TENM2: variants seen among roughly 807,000 people sequenced by gnomAD.
The protein encoded by TENM2 is teneurin-2.
A neutral mutation model predicts 245.2 loss-of-function variants in TENM2; 52 were observed. The observed-to-expected ratio is 0.21, with a 90% CI of 0.17 to 0.27. The LOEUF is 0.27. TENM2 is among the 10% of genes least tolerant of loss of function. The pLI is 1.00. For synonymous variants in TENM2, 1,363 were observed against 1,438.9 expected (o/e 0.95, Z 1.19); for missense variants, 3,046 against 3,666.8 (o/e 0.83, Z 4.37).
intron 1 of TENM2, among the ~76,000 whole-genome samples, chr5:167,323,600 A>G (rs1457045590): frequency 6.6e-6 from 1 of 152,186 alleles, no homozygotes; most frequent in Admixed American, 6.5e-5. Context: ...ATTTTGAAGA[A>G]GTCAAAAAAT....
chr5:168,001,057 C>T (rs1784385915), intron 5 of TENM2, among the ~76,000 whole-genome samples: 1 of 152,008 alleles, frequency 6.6e-6, no homozygotes, highest in African/African-American at 2.4e-5. Flanking sequence ...ATTTGTTGAA[C>T]TCATGAATGC....
At chr5:167,747,585 G>T (rs1383744266) in intron 2 of TENM2, among the ~76,000 whole-genome samples, 1 of 152,148 alleles carries the variant, frequency 6.6e-6, no homozygotes, top group Non-Finnish European at 1.5e-5. Context: ...CGGTAACATT[G>T]ATCGAGACTT....
At chr5:167,941,796 G>A (rs184825275) in intron 3 of TENM2, among the ~76,000 whole-genome samples, 1 of 152,184 alleles carries the variant, frequency 6.6e-6, no homozygotes, top group East Asian at 1.9e-4. Context: ...CGAGGTTACA[G>A]TGAGCCATGA....
intron 5 of TENM2, among the ~76,000 whole-genome samples, chr5:167,994,871 T>C (rs1228010835): frequency 6.6e-6 from 1 of 152,198 alleles, no homozygotes; most frequent in Non-Finnish European, 1.5e-5. Context: ...CTGTTGCCCC[T>C]CTGAATCTCT....
At chr5:167,941,905 T>C (rs1429353741) in intron 3 of TENM2, among the ~76,000 whole-genome samples, 1 of 150,078 alleles carries the variant, frequency 6.7e-6, no homozygotes, top group East Asian at 2.0e-4. Context: ...GTCACCCCTC[T>C]CTCCAACATC....
chr5:167,779,326 C>T (rs1764025547), intron 2 of TENM2, among the ~76,000 whole-genome samples: 1 of 152,150 alleles, frequency 6.6e-6, no homozygotes, highest in Non-Finnish European at 1.5e-5. Flanking sequence ...GACAAAAAGT[C>T]TTTAGCGACT....
intron 2 of TENM2, among the ~76,000 whole-genome samples, chr5:167,440,634 C>T (rs1181657426): frequency 2.0e-5 from 3 of 152,132 alleles, no homozygotes; most frequent in Non-Finnish European, 4.4e-5. Flanking sequence ...TAAAAAGGCA[C>T]TATGTAATAT....
intron 2 of TENM2, among the ~76,000 whole-genome samples, chr5:167,435,035 T>C (rs1318052578): frequency 6.6e-6 from 1 of 152,244 alleles, no homozygotes; most frequent in Non-Finnish European, 1.5e-5. Context: ...AGTGGCAATA[T>C]ATATAGCATT....
At chr5:167,592,925 A>G (rs1775974241) in intron 2 of TENM2, among the ~76,000 whole-genome samples, 1 of 152,186 alleles carries the variant, frequency 6.6e-6, no homozygotes, top group African/African-American at 2.4e-5. Flanking sequence ...AATGTTTAAT[A>G]CAATGAGATG....
intron 5 of TENM2, among the ~76,000 whole-genome samples, chr5:168,036,677 G>GTGTATA (rs575960979): frequency 2.4e-4 from 28 of 117,794 alleles, no homozygotes; most frequent in South Asian, 2.8e-4. Context: ...ATATGTATGT[G>GTGTATA]TATATATATA....
chr5:167,088,629 TA>T, the TENM2 span, among the ~76,000 whole-genome samples: 4 of 142,670 alleles, frequency 2.8e-5, no homozygotes, highest in Admixed American at 7.1e-5. Context: ...CTCCATCTTT[TA>T]AAAAAACAAA....
intron 2 of TENM2, among the ~76,000 whole-genome samples, chr5:167,694,967 A>T (rs774982551): frequency 1.3e-5 from 2 of 152,242 alleles, no homozygotes; most frequent in African/African-American, 4.8e-5. Flanking sequence ...CATAAGAGAC[A>T]TGTGGATGTA....
the TENM2 span, among the ~76,000 whole-genome samples, chr5:167,009,244 ACACT>A: frequency 6.6e-6 from 1 of 152,208 alleles, no homozygotes; most frequent in Admixed American, 6.5e-5. Flanking sequence ...ACACATATAC[ACACT>A]CACTCTATTC....
At chr5:167,993,209 A>G (rs773992837) in intron 5 of TENM2, 27 bp downstream of exon 7, 9 of 1,577,836 alleles carry the variant, frequency 5.7e-6, no homozygotes, top group Non-Finnish European at 7.8e-6. Context: ...TTATTCAGCA[A>G]CGCTGGGGAT....
chr5:167,815,657 T>A (rs1429854237), intron 2 of TENM2, among the ~76,000 whole-genome samples: 1 of 152,136 alleles, frequency 6.6e-6, no homozygotes, highest in African/African-American at 2.4e-5. Context: ...TTCCTTAGAA[T>A]AATGCCCACA....
chr5:167,589,446 T>TAG (rs1775731984), intron 2 of TENM2, among the ~76,000 whole-genome samples: 1 of 152,190 alleles, frequency 6.6e-6, no homozygotes, highest in Admixed American at 6.5e-5. Context: ...GTGAACTGTG[T>TAG]AGAGCACACA....
chr5:168,104,234 A>T (rs2152295249), intron 9 of TENM2, among the ~76,000 whole-genome samples: 1 of 152,196 alleles, frequency 6.6e-6, no homozygotes, highest in Non-Finnish European at 1.5e-5. Flanking sequence ...TCACCATGTC[A>T]GCCAGGCTGG....
chr5:167,368,524 C>T (rs981666846), intron 1 of TENM2, among the ~76,000 whole-genome samples: 12 of 151,986 alleles, frequency 7.9e-5, no homozygotes, highest in Admixed American at 2.6e-4. Flanking sequence ...TTTCTTGGTA[C>T]GCGATATGAC....
At chr5:168,004,500 CACGCAT>C (rs1413441561) in intron 5 of TENM2, among the ~76,000 whole-genome samples, 21,761 of 141,672 alleles carry the variant, frequency 0.15, 1,736 homozygotes, top group East Asian at 0.28. Context: ...ATTTGGGATG[CACGCAT>C]GCGCGCGCGC....
Sources: allele counts gnomAD v4.1 joint callset (sites outside exome capture counted in the v4.1 genomes callset), GRCh38; gene constraint gnomAD v4.1.1; transcripts MANE v1.5; gene names NCBI Gene and HGNC (gene_info 2026-07-23, HGNC 2026-07-21).